Variants in ADGRV1 observed in about 807,000 individuals in gnomAD.
ADGRV1 encodes adhesion G protein-coupled receptor V1.
ADGRV1 carries 359 observed loss-of-function variants against 596.2 expected under a neutral mutation model. The ratio of observed to expected loss-of-function variants is 0.60; its 90% CI spans 0.55 to 0.66. ADGRV1 has a LOEUF of 0.66. Among genes scored for constraint, ADGRV1 ranks in the 30% least tolerant of loss-of-function variants. ADGRV1 has a pLI of 0.00. For missense variants in ADGRV1, 7,274 were observed against 7,575.6 expected (o/e 0.96, Z 1.48); for synonymous variants, 2,681 against 2,679.2 (o/e 1.00, Z -0.02).
chr5:90,996,351 G>GAT (rs1781416507), intron 85 of ADGRV1, among the ~76,000 whole-genome samples: 2 of 152,166 alleles, frequency 1.3e-5, no homozygotes, highest in African/African-American at 2.4e-5. Flanking sequence ...AAGGGCCGCA[G>GAT]ATATGTCTCA....
intron 1 of ADGRV1, among the ~76,000 whole-genome samples, chr5:90,572,516 A>G (rs1756660732): frequency 1.3e-5 from 2 of 152,166 alleles, no homozygotes; most frequent in African/African-American, 2.4e-5. Flanking sequence ...AACAGAATAG[A>G]AATAAAACTG....
chr5:90,660,596 A>G (rs1267383536), intron 21 of ADGRV1, among the ~76,000 whole-genome samples: 1 of 152,160 alleles, frequency 6.6e-6, no homozygotes, highest in Non-Finnish European at 1.5e-5. Flanking sequence ...TGGGCTGGGC[A>G]CAGTGGCTCA....
At chr5:90,587,682 T>C (rs537776900) in intron 1 of ADGRV1, among the ~76,000 whole-genome samples, 1 of 151,904 alleles carries the variant, frequency 6.6e-6, no homozygotes, top group African/African-American at 2.4e-5. Flanking sequence ...TTCAGCTTCC[T>C]GAGAAGCTGA....
At chr5:90,952,059 T>C (rs1777105549) in intron 83 of ADGRV1, among the ~76,000 whole-genome samples, 1 of 152,192 alleles carries the variant, frequency 6.6e-6, no homozygotes, top group Admixed American at 6.5e-5. Flanking sequence ...GTAAAATAAA[T>C]AAAAGTTGTA....
chr5:90,874,356 G>C (rs1421288610), intron 83 of ADGRV1, among the ~76,000 whole-genome samples: 1 of 152,186 alleles, frequency 6.6e-6, no homozygotes, highest in African/African-American at 2.4e-5. Flanking sequence ...GCCTCCGCAA[G>C]AAGACCCACC....
At chr5:91,018,551 A>G (rs1412672065) in intron 85 of ADGRV1, among the ~76,000 whole-genome samples, 1 of 151,994 alleles carries the variant, frequency 6.6e-6, no homozygotes, top group Non-Finnish European at 1.5e-5. Flanking sequence ...TCTAAAAAGA[A>G]GAAACTTGTA....
At chr5:90,730,294 G>A (rs765024493) in intron 50 of ADGRV1, among the ~76,000 whole-genome samples, 3 of 152,126 alleles carry the variant, frequency 2.0e-5, no homozygotes, top group Non-Finnish European at 4.4e-5. Flanking sequence ...ACATTGGCTT[G>A]AGAATAATCA....
intron 79 of ADGRV1, among the ~76,000 whole-genome samples, chr5:90,849,870 A>G (rs565479105): frequency 1.3e-5 from 2 of 152,366 alleles, no homozygotes; most frequent in African/African-American, 4.8e-5. Flanking sequence ...TTAATAGGTA[A>G]AAACAGTATA....
chr5:90,759,258 T>A, intron 57 of ADGRV1, 151 bp from the exon 58 acceptor site: 2 of 590,368 alleles, frequency 3.4e-6, no homozygotes, highest in East Asian at 5.6e-5. Context: ...AGAACTACTT[T>A]TTAGTACCAT....
In ADGRV1 at chr5:90,694,516, C is replaced by T; in HGVS notation, c.7760C>T (p.Pro2587Leu). 6.2e-7 allele frequency: 1 copy of T among 1,613,820 alleles called. No homozygotes were observed. Among genetic ancestry groups the T allele is most frequent in the South Asian group, 1.1e-5 (1 of 91,080 alleles). The change falls in exon 33 of 90, where the codon CCC becomes CTC. Residue 2587 changes from proline (P) to leucine (L), a missense_variant. Around this residue, in one of 5 missense-constraint regions of ADGRV1, gnomAD observed 3,643 missense variants for 3,809.2 expected, o/e 0.96. Transcript: ENST00000405460. The stretch of plus-strand genomic sequence containing the variant: ...GTGTTTGTGATCTACAATATTAGTC[C>T]CAATACTTCCGAAGATGGCTTATTT... ...FGVFVIYNIS[P>L]NTSEDGLFVE...
At chr5:91,007,529 CA>C (rs1782378345) in intron 85 of ADGRV1, among the ~76,000 whole-genome samples, 1 of 152,084 alleles carries the variant, frequency 6.6e-6, no homozygotes, top group Admixed American at 6.6e-5. Context: ...ATCCTCAGAA[CA>C]GAGCATATAT....
chr5:90,939,494 C>T (rs943662154), intron 83 of ADGRV1, among the ~76,000 whole-genome samples: 2 of 152,136 alleles, frequency 1.3e-5, no homozygotes, highest in African/African-American at 4.8e-5. Context: ...GCTGACTTTC[C>T]ATGCAATTTG....
chr5:91,101,983 G>A (rs987487631), intron 86 of ADGRV1, among the ~76,000 whole-genome samples: 1 of 152,122 alleles, frequency 6.6e-6, no homozygotes, highest in Non-Finnish European at 1.5e-5. Flanking sequence ...TAGTCTAGGA[G>A]AGGAACAGTT....
At chr5:90,941,199 T>C (rs890551627) in intron 83 of ADGRV1, among the ~76,000 whole-genome samples, 2 of 151,554 alleles carry the variant, frequency 1.3e-5, no homozygotes, top group South Asian at 4.2e-4. Context: ...TTCAAAACGA[T>C]ATCTAGTTAC....
chr5:91,102,190 C>T (rs1284534328), intron 86 of ADGRV1, 29 bp from the exon 87 acceptor site: 4 of 1,584,838 alleles, frequency 2.5e-6, no homozygotes, highest in African/African-American at 1.3e-5. Context: ...TATTCTGAAG[C>T]TCAAAAATTC....
intron 89 of ADGRV1, among the ~76,000 whole-genome samples, chr5:91,157,849 C>T (rs1408430486): frequency 1.3e-5 from 2 of 152,150 alleles, no homozygotes; most frequent in Non-Finnish European, 2.9e-5. Flanking sequence ...TCTTGTACTC[C>T]TTGAAAAGGC....
chr5:91,036,912 CA>C (rs2151257440), intron 85 of ADGRV1, among the ~76,000 whole-genome samples: 1 of 152,206 alleles, frequency 6.6e-6, no homozygotes, highest in African/African-American at 2.4e-5. Context: ...AAAGATTATA[CA>C]ACTTAGATGA....
chr5:90,950,836 G>A (rs977192560), intron 83 of ADGRV1, among the ~76,000 whole-genome samples: 5 of 152,016 alleles, frequency 3.3e-5, no homozygotes, highest in Non-Finnish European at 5.9e-5. Context: ...TGATCAACTT[G>A]CATAATAGTA....
intron 85 of ADGRV1, among the ~76,000 whole-genome samples, chr5:91,060,390 ATATATATATT>A (rs113356696): frequency 0.62 from 86,581 of 139,432 alleles, 25,891 homozygotes; most frequent in Non-Finnish European, 0.67. Context: ...ATATATATAT[ATATATATATT>A]TTTTTTTTTA....
Sources: allele counts gnomAD v4.1 joint callset (sites outside exome capture counted in the v4.1 genomes callset), GRCh38; gene constraint gnomAD v4.1.1; regional missense constraint gnomAD v4.1.1; transcripts MANE v1.5; gene names NCBI Gene and HGNC (gene_info 2026-07-23, HGNC 2026-07-21).